PAPPA2: variants seen among roughly 807,000 people sequenced by gnomAD.
PAPPA2 encodes pappalysin 2.
A neutral mutation model predicts 176.4 loss-of-function variants in PAPPA2; 86 were observed. The observed-to-expected ratio is 0.49, with a 90% confidence interval of 0.41 to 0.58. PAPPA2 has a LOEUF of 0.58. Among genes scored for constraint, PAPPA2 ranks in the 20% least tolerant of loss-of-function variants. The pLI is 0.00. For synonymous variants in PAPPA2, 809 were observed against 852.2 expected (o/e 0.95, Z 0.88); for missense variants, 2,073 against 2,256.9 (o/e 0.92, Z 1.65).
At chr1:176,744,349 C>T (rs1038989191) in intron 14 of PAPPA2, among the ~76,000 whole-genome samples, 4 of 152,132 alleles carry the variant, frequency 2.6e-5, no homozygotes, top group African/African-American at 4.8e-5. Flanking sequence ...CAGTGAGCCC[C>T]AGGCACATAG....
intron 1 of PAPPA2, among the ~76,000 whole-genome samples, chr1:176,494,654 G>A (rs1054118511): frequency 6.6e-6 from 1 of 152,156 alleles, no homozygotes; most frequent in Non-Finnish European, 1.5e-5. Context: ...AGACATGTGA[G>A]AGCTGGCACA....
In PAPPA2 at chr1:176,485,287, C is replaced by T. The variant is rs142118934; in HGVS notation, c.-917+21869C>T. Reference sequence around the variant, plus strand: ...TCCTTATTAATAATGGCTTTCAAGTCCCTAATGATGTGTCTCCCCATTACG... The same window carrying T: ...TCCTTATTAATAATGGCTTTCAAGTTCCTAATGATGTGTCTCCCCATTACG... On this transcript the variant is annotated intron_variant, in intron 1 of 22. Transcript: ENST00000367662. Among the ~76,000 whole-genome samples, 434 of 152,280 alleles carry T rather than the reference C, an allele frequency of 2.9e-3. 3 individuals carry two copies. The highest frequency in any genetic ancestry group is 4.5e-3 in the Non-Finnish European group (309 of 68,020).
intron 3 of PAPPA2, among the ~76,000 whole-genome samples, chr1:176,637,170 C>A (rs1323431766): frequency 6.6e-6 from 1 of 151,916 alleles, no homozygotes; most frequent in African/African-American, 2.4e-5. Flanking sequence ...CAGTATCATT[C>A]AACTGGATCA....
At chr1:176,831,158 G>C (rs1557899137) in intron 21 of PAPPA2, among the ~76,000 whole-genome samples, 1 of 151,648 alleles carries the variant, frequency 6.6e-6, no homozygotes, top group African/African-American at 2.4e-5. Flanking sequence ...CAGTGCAGAA[G>C]GAATAAAGGT....
At chr1:176,527,379 C>T (rs1449782292) in intron 1 of PAPPA2, among the ~76,000 whole-genome samples, 2 of 152,186 alleles carry the variant, frequency 1.3e-5, no homozygotes, top group Non-Finnish European at 2.9e-5. Context: ...AATTAAGGCT[C>T]ATCAAGTGTA....
intron 3 of PAPPA2, among the ~76,000 whole-genome samples, chr1:176,633,645 C>G (rs1656483443): frequency 6.6e-6 from 1 of 152,158 alleles, no homozygotes; most frequent in East Asian, 1.9e-4. Flanking sequence ...TAGTCTCCAT[C>G]AGAGTGAACA....
chr1:176,553,276 G>A (rs1432267387), intron 1 of PAPPA2, among the ~76,000 whole-genome samples: 1 of 132,130 alleles, frequency 7.6e-6, no homozygotes, highest in African/African-American at 2.8e-5. Context: ...GAGGAGGGGG[G>A]CTGAGGGAGG....
intron 3 of PAPPA2, among the ~76,000 whole-genome samples, chr1:176,648,136 G>C (rs1284053195): frequency 6.6e-6 from 1 of 151,136 alleles, no homozygotes; most frequent in East Asian, 2.0e-4. Context: ...ATAGTTTTTT[G>C]TATAGACTTT....
intron 3 of PAPPA2, among the ~76,000 whole-genome samples, chr1:176,623,625 T>TAC (rs1157569240): frequency 7.3e-6 from 1 of 136,456 alleles, no homozygotes; most frequent in African/African-American, 2.7e-5. Context: ...CTTCCTTCCT[T>TAC]TTTTACTTTC....
intron 1 of PAPPA2, among the ~76,000 whole-genome samples, chr1:176,488,781 C>A (rs935205914): frequency 2.0e-5 from 3 of 152,142 alleles, no homozygotes; most frequent in Non-Finnish European, 2.9e-5. Context: ...CTCTCTCCCC[C>A]ACTTCCTCCT....
intron 1 of PAPPA2, among the ~76,000 whole-genome samples, chr1:176,553,922 T>C (rs989984941): frequency 5.3e-5 from 8 of 151,944 alleles, no homozygotes; most frequent in African/African-American, 1.7e-4. Flanking sequence ...GTTTTCTCTA[T>C]ATCCCCCTCC....
chr1:176,655,396 G>A (rs1057372221), intron 3 of PAPPA2, among the ~76,000 whole-genome samples: 4 of 151,708 alleles, frequency 2.6e-5, no homozygotes, highest in Non-Finnish European at 4.4e-5. Flanking sequence ...CTAACATCCA[G>A]ACTCTATAAG....
chr1:176,721,161 A>G (rs1251035959), intron 12 of PAPPA2, among the ~76,000 whole-genome samples: 1 of 152,166 alleles, frequency 6.6e-6, no homozygotes, highest in East Asian at 1.9e-4. Context: ...GATATTTAAA[A>G]TTTACCATCA....
intron 12 of PAPPA2, among the ~76,000 whole-genome samples, chr1:176,721,040 C>T (rs965611967): frequency 2.6e-5 from 4 of 152,180 alleles, no homozygotes; most frequent in Admixed American, 2.0e-4. Flanking sequence ...GGTGGATCTT[C>T]CTCTCTCAGT....
intron 22 of PAPPA2, 79 bp from the exon 23 acceptor site, chr1:176,842,301 T>A: frequency 7.6e-7 from 1 of 1,313,500 alleles, no homozygotes; most frequent in Non-Finnish European, 1.1e-6. Flanking sequence ...TGGGACCAAG[T>A]GAGGAAAGTG....
chr1:176,672,087 TA>T (rs60355465), intron 4 of PAPPA2, among the ~76,000 whole-genome samples: 2,489 of 150,500 alleles, frequency 0.017, 70 homozygotes, highest in African/African-American at 0.058. Context: ...AAATAAAAAA[TA>T]AAAAAAAGAA....
At chr1:176,808,808 A>G (rs1414389645) in intron 21 of PAPPA2, among the ~76,000 whole-genome samples, 1 of 152,196 alleles carries the variant, frequency 6.6e-6, no homozygotes, top group African/African-American at 2.4e-5. Context: ...TAATAATAAT[A>G]CCTTTGGAAA....
intron 1 of PAPPA2, among the ~76,000 whole-genome samples, chr1:176,524,140 T>G (rs1190289281): frequency 6.6e-6 from 1 of 152,252 alleles, no homozygotes; most frequent in Non-Finnish European, 1.5e-5. Context: ...TTTGCAGCAC[T>G]GTCGTTTTCA....
chr1:176,768,791 G>A (rs1373869513), intron 15 of PAPPA2, among the ~76,000 whole-genome samples: 1 of 152,148 alleles, frequency 6.6e-6, no homozygotes. Context: ...CTAGGAAATG[G>A]CTAGAATCTC....
Sources: gnomAD v4.1 joint callset for allele counts (sites outside exome capture counted in the v4.1 genomes callset) on GRCh38, gnomAD v4.1.1 for gene constraint, MANE v1.5 for transcripts, NCBI Gene and HGNC (gene_info 2026-07-23, HGNC 2026-07-21) for gene names.